UNC13C: variants seen among roughly 807,000 people sequenced by gnomAD.
The protein encoded by UNC13C is protein unc-13 homolog C.
Under a neutral mutation model 245.4 loss-of-function variants are expected in UNC13C, and 174 were observed. That is an observed-to-expected ratio of 0.71 (90% CI 0.63 to 0.80). The LOEUF (loss-of-function observed/expected upper bound fraction) is 0.80, where lower values mean the gene tolerates loss of function less well. Ranked by LOEUF, UNC13C falls within the 30% of genes least tolerant of loss-of-function variation. UNC13C has a pLI of 0.00. For missense variants in UNC13C, 2,829 were observed against 2,602.9 expected, an observed-to-expected ratio of 1.09 and a Z score of -1.89; for synonymous variants, 992 against 895.1, an observed-to-expected ratio of 1.11 and a Z score of -1.93.
At chr15:54,093,743 TTTTCAA>T (rs1899696993) in intron 2 of UNC13C, among the ~76,000 whole-genome samples, 1 of 152,176 alleles carries the variant, frequency 6.6e-6, no homozygotes, top group African/African-American at 2.4e-5. Flanking sequence ...CAATAACACC[TTTTCAA>T]TTCCGATGGA....
intron 2 of UNC13C, among the ~76,000 whole-genome samples, chr15:54,141,033 A>C (rs1427050057): frequency 6.6e-6 from 1 of 152,206 alleles, no homozygotes; most frequent in Non-Finnish European, 1.5e-5. Context: ...GATTACCTGT[A>C]TTTAGTGGGA....
chr15:54,464,339 T>A (rs1052592777), intron 19 of UNC13C, among the ~76,000 whole-genome samples: 6 of 152,198 alleles, frequency 3.9e-5, no homozygotes, highest in Non-Finnish European at 8.8e-5. Context: ...AAAATAAATC[T>A]TCCTGGAATA....
chr15:53,968,707 A>G, the UNC13C span, among the ~76,000 whole-genome samples: 7,149 of 152,246 alleles, frequency 0.047, 272 homozygotes, highest in African/African-American at 0.1. Context: ...GAGTTTGAGA[A>G]AGGATCTAAA....
intron 27 of UNC13C, among the ~76,000 whole-genome samples, chr15:54,549,155 T>TCCA (rs1896622958): frequency 3.3e-5 from 5 of 152,098 alleles, no homozygotes; most frequent in Admixed American, 1.3e-4. Flanking sequence ...CCCAGGGCCT[T>TCCA]GGGGTTCTAG....
At position 54,014,766 on chromosome 15, in the gene UNC13C, C is replaced by T; in HGVS notation, c.1863C>T (p.Asn621=). The T allele has an allele frequency of 6.2e-7, 1 of 1,613,862 alleles. No individual in the cohort carries two copies. The highest frequency in any genetic ancestry group is 2.2e-5 in the East Asian group (1 of 44,874). ...QGIQGQTETE[N]TETVDSGMSN... is the part of the protein sequence containing the mutation. ...TCCAAGGGCAGACTGAAACTGAAAA[C>T]ACAGAAACTGTGGATAGTGGAATGA... Residue 621 remains asparagine, a synonymous_variant, in exon 2 of 33, where the codon AAC becomes AAT. Transcript: ENST00000260323.
the UNC13C span, among the ~76,000 whole-genome samples, chr15:53,846,812 TAG>T: frequency 6.6e-6 from 1 of 152,152 alleles, no homozygotes; most frequent in Non-Finnish European, 1.5e-5. Flanking sequence ...CAAGATCCTT[TAG>T]GTAGAAGCTT....
intron 2 of UNC13C, among the ~76,000 whole-genome samples, chr15:54,055,298 C>A (rs1043650381): frequency 3.3e-5 from 5 of 152,184 alleles, no homozygotes; most frequent in African/African-American, 1.2e-4. Context: ...TCCTTGCCAA[C>A]TCAATTATCA....
At chr15:54,047,739 G>A (rs575005035) in intron 2 of UNC13C, among the ~76,000 whole-genome samples, 10 of 152,072 alleles carry the variant, frequency 6.6e-5, no homozygotes, top group East Asian at 5.8e-4. Context: ...AAACATTTGC[G>A]CAAATCCATC....
intron 30 of UNC13C, among the ~76,000 whole-genome samples, chr15:54,616,389 C>T (rs957300998): frequency 6.8e-6 from 1 of 147,756 alleles, no homozygotes; most frequent in Non-Finnish European, 1.5e-5. Flanking sequence ...CATAACACCA[C>T]ACATGTTTGT....
At chr15:53,983,361 G>T (rs191725092) in intron 1 of UNC13C, among the ~76,000 whole-genome samples, 1 of 149,908 alleles carries the variant, frequency 6.7e-6, no homozygotes, top group Admixed American at 6.9e-5. Flanking sequence ...GGGAGCTCTC[G>T]TGGCTGAAGG....
intron 8 of UNC13C, among the ~76,000 whole-genome samples, chr15:54,260,984 A>G (rs1039583003): frequency 1.3e-5 from 2 of 152,126 alleles, no homozygotes; most frequent in Non-Finnish European, 2.9e-5. Context: ...TAAATTACGT[A>G]GAAGAGAACC....
At chr15:54,017,980 G>A (rs1382877044) in intron 2 of UNC13C, among the ~76,000 whole-genome samples, 14 of 152,122 alleles carry the variant, frequency 9.2e-5, no homozygotes. Flanking sequence ...CTTTAAGATG[G>A]TCTCTGGTTG....
intron 19 of UNC13C, among the ~76,000 whole-genome samples, chr15:54,444,716 A>G (rs1031736922): frequency 3.3e-5 from 5 of 151,622 alleles, no homozygotes; most frequent in African/African-American, 9.7e-5. Context: ...AGTGGGTTTT[A>G]TCCTTTTGTG....
chr15:54,350,717 C>T (rs1031486777), intron 17 of UNC13C, among the ~76,000 whole-genome samples: 4 of 152,090 alleles, frequency 2.6e-5, no homozygotes, highest in Non-Finnish European at 4.4e-5. Context: ...ATTGAAATGG[C>T]GACCTCTGAA....
At chr15:54,507,298 G>A in intron 23 of UNC13C, 104 bp downstream of exon 23, 1 of 742,252 alleles carries the variant, frequency 1.3e-6, no homozygotes, top group African/African-American at 1.8e-5. Context: ...TTTCACATAG[G>A]ATAATAAGAA....
At chr15:53,970,052 CTTT>C in the UNC13C span, among the ~76,000 whole-genome samples, 1 of 143,568 alleles carries the variant, frequency 7.0e-6, no homozygotes, top group Admixed American at 7.0e-5. Context: ...ACAAGTTTTC[CTTT>C]TTTTTTTTTT....
chr15:54,145,335 G>T (rs935583044), intron 4 of UNC13C, among the ~76,000 whole-genome samples: 2 of 152,040 alleles, frequency 1.3e-5, no homozygotes, highest in Admixed American at 1.3e-4. Context: ...AAGATTTAAA[G>T]TTTTAAATGT....
At chr15:54,577,166 A>G (rs1010146330) in intron 30 of UNC13C, among the ~76,000 whole-genome samples, 5 of 151,636 alleles carry the variant, frequency 3.3e-5, no homozygotes, top group African/African-American at 1.2e-4. Context: ...GGAGAAATAC[A>G]AAGGGGCATA....
chr15:54,347,847 G>T (rs1231268049), intron 17 of UNC13C, among the ~76,000 whole-genome samples: 1 of 152,080 alleles, frequency 6.6e-6, no homozygotes, highest in African/African-American at 2.4e-5. Context: ...TATCTCAAAG[G>T]AAATCTCTGT....
Sources: allele counts gnomAD v4.1 joint callset (sites outside exome capture counted in the v4.1 genomes callset), GRCh38; gene constraint gnomAD v4.1.1; transcripts MANE v1.5; gene names NCBI Gene and HGNC (gene_info 2026-07-23, HGNC 2026-07-21).